AAK1: variants seen among roughly 807,000 people sequenced by gnomAD.
AAK1 encodes the protein AP2 associated kinase 1.
In AAK1, 37 loss-of-function variants were observed where a neutral mutation model predicts 116.0. The ratio of observed to expected loss-of-function variants is 0.32; its 90% confidence interval spans 0.25 to 0.42. AAK1 has a LOEUF of 0.42. Ranked by LOEUF, AAK1 falls within the 10% of genes least tolerant of loss-of-function variation. The pLI is 1.00. For synonymous variants in AAK1, 458 were observed against 439.9 expected, an observed-to-expected ratio of 1.04 and a Z score of -0.51; for missense variants, 919 against 1,170.6, an observed-to-expected ratio of 0.79 and a Z score of 3.14.
chr2:69,547,455 C>A (rs1670976968), intron 3 of AAK1, among the ~76,000 whole-genome samples: 1 of 151,950 alleles, frequency 6.6e-6, no homozygotes, highest in African/African-American at 2.4e-5. Context: ...AGCAAAGGAT[C>A]TGAATAGATA....
chr2:69,482,705 C>A lies in AAK1; in HGVS notation c.2467+6G>T. ...ATGACTGAAGAAACAGAGATGATGA[C>A]TTTACCAATTACAGCATCAGAAGTG... On this transcript the variant is annotated splice_donor_region_variant and intron_variant, in intron 18 of 21. Transcript: ENST00000409085. The A allele has an allele frequency of 6.3e-7, 1 of 1,595,616 alleles. No homozygotes were observed.
In AAK1 at chr2:69,474,579, T is replaced by A. The variant is rs1053922224; in HGVS notation, c.*1290A>T. On this transcript the variant is annotated 3_prime_UTR_variant, in exon 22 of 22. Transcript: ENST00000409085. Reference sequence around the variant, plus strand: ...GAAGCCAAGGAAAACCAGCTGAACATATTCCATTGGCTGCAGCCTTCAATT... The same window carrying A: ...GAAGCCAAGGAAAACCAGCTGAACAAATTCCATTGGCTGCAGCCTTCAATT... The A allele has an allele frequency of 3.0e-6, 3 of 985,290 alleles. No homozygotes were observed. In the African/African-American group the frequency reaches 5.2e-5, roughly 17 times the overall value. The allele number at this position is 985,290 out of a possible 1,614,324, so 61.0% of individuals were successfully genotyped here.
rs552607874 is a variant in AAK1, at chr2:69,555,824, T to C, written c.282+1036A>G. ...AAGGCTATATATTCAAAGTTTCTTA[T>C]GTATAATTATGTATAATATTACATA... On this transcript the variant is annotated intron_variant, in intron 3 of 21. Transcript: ENST00000409085. 7.0e-4 allele frequency among the ~76,000 whole-genome samples: 106 copies of C among 151,482 alleles called. 1 individual carries two copies. In the South Asian group the frequency reaches 0.012, roughly 17 times the overall value.
chr2:69,474,483 CTTTA>C lies in AAK1; in HGVS notation c.*1382_*1385del, dbSNP rs919844548. On this transcript the variant is annotated 3_prime_UTR_variant, in exon 22 of 22. Coordinates refer to ENST00000409085, the MANE Select transcript of AAK1 (RefSeq NM_014911.5). ...CATGTTGTCATGTTAGTGCAGGGGC[CTTTA>C]TTTATTTTATGAACAATATCCTAAA... 9 of 984,832 alleles carry C rather than the reference CTTTA, an allele frequency of 9.1e-6. No homozygotes were observed. The highest frequency in any genetic ancestry group is 2.3e-4 in the East Asian group (2 of 8,810). The allele number at this position is 984,832 out of a possible 1,614,324, so 61.0% of individuals were successfully genotyped here.
At chr2:69,526,387 C>A (rs1384496758) in intron 9 of AAK1, among the ~76,000 whole-genome samples, 6 of 152,118 alleles carry the variant, frequency 3.9e-5, no homozygotes, top group African/African-American at 1.4e-4. Context: ...GAGGAACTAG[C>A]AAGAACATTT....
At chr2:69,572,692 A>G (rs1672138150) in intron 2 of AAK1, among the ~76,000 whole-genome samples, 1 of 151,948 alleles carries the variant, frequency 6.6e-6, no homozygotes, top group Non-Finnish European at 1.5e-5. Flanking sequence ...GTGCCCCTTA[A>G]ATTCTGCACT....
rs1225968934 is a variant in AAK1 at position 69,459,128 on chromosome 2, T to A, written c.*16741A>T. 6.6e-6 allele frequency: 1 copy of A among 152,188 alleles called. No homozygotes were observed. The allele number at this position is 152,188 out of a possible 1,614,324, so 9.4% of individuals were successfully genotyped here. On this transcript the variant is annotated 3_prime_UTR_variant, in exon 22 of 22. Transcript: ENST00000409085. ...AGCTATTCTAGAGTCCCTTCACACA[T>A]AAACTTGACCCTGCATTCCGGGAAA...
At chr2:69,579,845 A>G (rs1412078581) in intron 2 of AAK1, among the ~76,000 whole-genome samples, 1 of 152,158 alleles carries the variant, frequency 6.6e-6, no homozygotes, top group Non-Finnish European at 1.5e-5. Flanking sequence ...ATTGACAACT[A>G]TCTCCAGAGG....
In AAK1 at chr2:69,462,007, G is replaced by A. The variant is rs990568094; in HGVS notation, c.*13862C>T. 1 of 152,688 alleles carries A rather than the reference G, an allele frequency of 6.5e-6. No individual in the cohort carries two copies. Among genetic ancestry groups the A allele is most frequent in the African/African-American group, 2.4e-5 (1 of 41,360 alleles). 9.5% of individuals were successfully genotyped at this position (152,688 alleles called of 1,614,324 possible). A position where few individuals can be genotyped will look rare whatever the true frequency, so the allele number is the denominator to read the frequency against. On this transcript the variant is annotated 3_prime_UTR_variant, in exon 22 of 22. Transcript: ENST00000409085. ...ACCTTGAGAATTAAAATAGTCACTT[G>A]ATTAGAAGGGAATTATCAAATAACC...
At chr2:69,617,823 A>G (rs1351209864) in intron 2 of AAK1, among the ~76,000 whole-genome samples, 1 of 152,246 alleles carries the variant, frequency 6.6e-6, no homozygotes, top group East Asian at 1.9e-4. Context: ...AGATGCCTCT[A>G]CTATTTTGGT....
At chr2:69,589,066 ACTAGTGTCAG>A (rs1319383602) in intron 2 of AAK1, among the ~76,000 whole-genome samples, 3 of 152,212 alleles carry the variant, frequency 2.0e-5, no homozygotes, top group Non-Finnish European at 4.4e-5. Context: ...AAAGGCCATT[ACTAGTGTCAG>A]CTGGGGTTAA....
Position 69,508,914 on chromosome 2 carries a change from C to T in AAK1, c.2006+317G>A, listed in dbSNP as rs146739168. Among the ~76,000 whole-genome samples, 743 of 152,186 alleles carry T rather than the reference C, an allele frequency of 4.9e-3. 11 individuals carry two copies. Among genetic ancestry groups the T allele is most frequent in the Admixed American group, 0.013 (192 of 15,302 alleles). On this transcript the variant is annotated intron_variant, in intron 14 of 21. Transcript: ENST00000409085. ...TCAGCGTGGAGAGACTCGGTCAGAT[C>T]GAGAGTTCAGAAAACACACTGTAGA...
intron 20 of AAK1, 92 bp from the exon 21 acceptor site, chr2:69,477,082 T>C (rs1250215165): frequency 2.7e-6 from 2 of 743,910 alleles, no homozygotes; most frequent in Non-Finnish European, 2.2e-6. Context: ...ATCTCAACTG[T>C]ACAGCCCTGT....
At chr2:69,612,866 T>A (rs1300565220) in intron 2 of AAK1, among the ~76,000 whole-genome samples, 1 of 152,258 alleles carries the variant, frequency 6.6e-6, no homozygotes, top group African/African-American at 2.4e-5. Flanking sequence ...GTCAACTTTA[T>A]GTTTTGGTCA....
At chr2:69,569,736 C>G (rs1452575745) in intron 2 of AAK1, among the ~76,000 whole-genome samples, 2 of 152,130 alleles carry the variant, frequency 1.3e-5, no homozygotes, top group Non-Finnish European at 2.9e-5. Context: ...AAAATAGACT[C>G]ATATGGTATG....
At position 69,582,325 on chromosome 2, in the gene AAK1, C is replaced by T. The variant is rs150682177; in HGVS notation, c.164-25347G>A. ...TAGAAACTGCAGTATACTGAGAACA[C>T]TTAGAATAGAATCAGAGTATCTCTA... On this transcript the variant is annotated intron_variant, in intron 2 of 21. Coordinates refer to ENST00000409085, the MANE Select transcript of AAK1 (RefSeq NM_014911.5). 1.1e-4 allele frequency among the ~76,000 whole-genome samples: 17 copies of T among 152,272 alleles called. 1 individual carries two copies. In the East Asian group the frequency reaches 3.3e-3, roughly 29 times the overall value.
intron 11 of AAK1, among the ~76,000 whole-genome samples, chr2:69,520,628 A>G (rs1040155648): frequency 6.6e-6 from 1 of 151,958 alleles, no homozygotes; most frequent in African/African-American, 2.4e-5. Flanking sequence ...TAGCCTCCCA[A>G]AGTGTTGGGA....
In AAK1 at chr2:69,468,692, C is replaced by CA. The variant is rs1049677761; in HGVS notation, c.*7176dup. 5 of 985,196 alleles carry CA rather than the reference C, an allele frequency of 5.1e-6. No individual in the cohort carries two copies. Among genetic ancestry groups the CA allele is most frequent in the South Asian group, 9.4e-5 (2 of 21,290 alleles). 61.0% of individuals were successfully genotyped at this position (985,196 alleles called of 1,614,324 possible). On this transcript the variant is annotated 3_prime_UTR_variant, in exon 22 of 22. Coordinates refer to ENST00000409085, the MANE Select transcript of AAK1 (RefSeq NM_014911.5). ...AAAACAATTTGTGCACAGAGACTGG[C>CA]AAAAAAGCAGCTATCTATTGAACCA...
At chr2:69,481,024 G>A in intron 18 of AAK1, 63 bp from the exon 19 acceptor site, 1 of 1,330,490 alleles carries the variant, frequency 7.5e-7, no homozygotes, top group Non-Finnish European at 1.0e-6. Flanking sequence ...AGTTTCTTTA[G>A]GAAATTCTGT....
Sources: allele counts gnomAD v4.1 joint callset (sites outside exome capture counted in the v4.1 genomes callset), GRCh38; gene constraint gnomAD v4.1.1; transcripts MANE v1.5; gene names NCBI Gene and HGNC (gene_info 2026-07-23, HGNC 2026-07-21).